Variants in C10orf90 observed in about 807,000 individuals in gnomAD.
C10orf90 encodes the protein (E2-independent) E3 ubiquitin-conjugating enzyme FATS.
In C10orf90, 56 loss-of-function variants were observed where a neutral mutation model predicts 62.5. That is an observed-to-expected ratio of 0.90 (90% CI 0.72 to 1.12). The LOEUF is 1.12. C10orf90 is among the 50% of genes most tolerant of loss of function. The probability of loss-of-function intolerance (pLI) is 0.00; values close to 1 mark genes in which losing one functional copy is unlikely to be tolerated. For missense variants in C10orf90, 970 were observed against 880.4 expected, an observed-to-expected ratio of 1.10 and a Z score of -1.29; for synonymous variants, 386 against 340.4, an observed-to-expected ratio of 1.13 and a Z score of -1.47.
chr10:126,642,618 G>A (rs997541512), intron 2 of C10orf90, among the ~76,000 whole-genome samples: 3 of 150,826 alleles, frequency 2.0e-5, no homozygotes, highest in Non-Finnish European at 4.4e-5. Flanking sequence ...GCTCCTCCTG[G>A]TTTTGCAGCT....
intron 2 of C10orf90, among the ~76,000 whole-genome samples, chr10:126,560,212 T>C (rs139143982): frequency 1.3e-5 from 2 of 152,226 alleles, no homozygotes; most frequent in East Asian, 1.9e-4. Flanking sequence ...GCAACCTCAG[T>C]GATTTGTAAG....
chr10:126,617,216 A>G (rs533040737), intron 2 of C10orf90, among the ~76,000 whole-genome samples: 5 of 152,136 alleles, frequency 3.3e-5, no homozygotes, highest in Non-Finnish European at 7.4e-5. Flanking sequence ...CTCACATCCC[A>G]CCCCAACAGA....
intron 2 of C10orf90, among the ~76,000 whole-genome samples, chr10:126,576,310 G>T (rs1014332041): frequency 1.3e-5 from 2 of 151,772 alleles, no homozygotes; most frequent in African/African-American, 4.8e-5. Context: ...GGCCAAGAAA[G>T]ATATAAATTT....
At chr10:126,608,075 G>A (rs886089899) in intron 2 of C10orf90, among the ~76,000 whole-genome samples, 5 of 152,166 alleles carry the variant, frequency 3.3e-5, no homozygotes, top group African/African-American at 1.2e-4. Flanking sequence ...GGTGGTCAAT[G>A]TTGCACAACA....
intron 2 of C10orf90, among the ~76,000 whole-genome samples, chr10:126,525,816 G>C (rs1226174384): frequency 2.0e-5 from 3 of 152,056 alleles, no homozygotes; most frequent in African/African-American, 7.2e-5. Context: ...CTTCTCCCTG[G>C]TGTGGGTTTG....
At chr10:126,470,226 C>T in intron 4 of C10orf90, 1 of 377,590 alleles carries the variant, frequency 2.6e-6, no homozygotes, top group Non-Finnish European at 5.3e-6. Context: ...AGGCATTCTT[C>T]TGCATGATGC....
chr10:126,455,017 A>G (rs1267311329), intron 7 of C10orf90, among the ~76,000 whole-genome samples: 2 of 151,774 alleles, frequency 1.3e-5, no homozygotes, highest in Admixed American at 1.3e-4. Context: ...CCTCTTCCAC[A>G]TCTCACAATC....
intron 2 of C10orf90, among the ~76,000 whole-genome samples, chr10:126,532,834 C>A (rs1237999571): frequency 4.2e-3 from 13 of 3,068 alleles, no homozygotes; most frequent in Non-Finnish European, 4.6e-3. Context: ...CAGAGCGAGA[C>A]TACGTCTCAA....
chr10:126,637,276 G>A (rs1035323879), intron 2 of C10orf90, among the ~76,000 whole-genome samples: 10 of 152,224 alleles, frequency 6.6e-5, no homozygotes, highest in East Asian at 3.9e-4. Flanking sequence ...ACTCTGTGTC[G>A]TCTCAAAGTC....
intron 7 of C10orf90, among the ~76,000 whole-genome samples, chr10:126,445,537 G>A (rs549762187): frequency 1.1e-4 from 16 of 152,060 alleles, no homozygotes; most frequent in African/African-American, 3.6e-4. Context: ...TGGATGCAGT[G>A]ATCAAGGAAC....
chr10:126,433,481 G>A (rs1374673698), intron 7 of C10orf90, among the ~76,000 whole-genome samples: 1 of 152,020 alleles, frequency 6.6e-6, no homozygotes, highest in African/African-American at 2.4e-5. Context: ...TGGGTGAAAC[G>A]GCAGCCCAGG....
intron 8 of C10orf90, among the ~76,000 whole-genome samples, chr10:126,429,518 T>C (rs926060410): frequency 6.6e-6 from 1 of 152,254 alleles, no homozygotes; most frequent in African/African-American, 2.4e-5. Flanking sequence ...GCTCAGAGTC[T>C]GGGAATCTCT....
intron 2 of C10orf90, among the ~76,000 whole-genome samples, chr10:126,536,565 C>T (rs567939797): frequency 2.6e-4 from 39 of 152,234 alleles, no homozygotes; most frequent in Admixed American, 5.9e-4. Flanking sequence ...ACCCAGACTG[C>T]CTGACTCCAG....
Position 126,504,261 on chromosome 10 carries a change from C to A in C10orf90, c.1230G>T (p.Glu410Asp), listed in dbSNP as rs780615092. ...CCTGCTTCAGGGCTTCGCTTATTGG[C>A]TCTCTGTTCACTAGGCCATCTACTC... ...ADGVDGLVNREPISEALKQEL... is the reference protein window; with the variant it reads ...ADGVDGLVNRDPISEALKQEL... Residue 410 changes from glutamate to aspartate, a missense_variant, in exon 4 of 10, where the codon GAG becomes GAT. By Grantham distance (45) the Glu-to-Asp change is conservative. Transcript: ENST00000488181. This position sits in a 1 kb window ranked among gnomAD's most constrained non-coding sequence, Gnocchi z 4.1. The A allele has an allele frequency of 6.2e-7, 1 of 1,614,060 alleles. No homozygotes were observed. The highest frequency in any genetic ancestry group is 8.5e-7 in the Non-Finnish European group (1 of 1,180,040).
At chr10:126,535,142 C>T (rs1357807641) in intron 2 of C10orf90, among the ~76,000 whole-genome samples, 3 of 152,056 alleles carry the variant, frequency 2.0e-5, no homozygotes, top group Non-Finnish European at 2.9e-5. Flanking sequence ...TACACACACA[C>T]ATACATATAT....
intron 2 of C10orf90, among the ~76,000 whole-genome samples, chr10:126,618,377 T>C (rs150031609): frequency 3.1e-4 from 47 of 152,312 alleles, no homozygotes; most frequent in Admixed American, 2.7e-3. Flanking sequence ...GGACACTGTG[T>C]CCTTACTGAA....
intron 4 of C10orf90, among the ~76,000 whole-genome samples, chr10:126,497,530 A>C (rs568296300): frequency 5.4e-4 from 83 of 152,326 alleles, no homozygotes; most frequent in African/African-American, 1.7e-3. Flanking sequence ...CATAGGCCCC[A>C]AAAATGGATA....
chr10:126,605,948 T>G lies in C10orf90; in HGVS notation c.313+40617A>C, dbSNP rs186115311. On this transcript the variant is annotated intron_variant, in intron 2 of 9. Coordinates refer to ENST00000488181, the MANE Select transcript of C10orf90 (RefSeq NM_001350921.2). ...AGCACTAAAAAAAGAAAAGACTGTC[T>G]GAAATATGATCCTTAAATTTAACAA... Among the ~76,000 whole-genome samples the G allele has an allele frequency of 1.3e-4, 20 of 152,292 alleles. No individual in the cohort carries two copies. In the South Asian group the frequency reaches 1.4e-3, roughly 11 times the overall value.
chr10:126,510,979 A>T (rs1318407435), intron 3 of C10orf90, among the ~76,000 whole-genome samples: 1 of 152,170 alleles, frequency 6.6e-6, no homozygotes, highest in African/African-American at 2.4e-5. Flanking sequence ...ATTTTTCCCC[A>T]TTGCTGCTCT....
Sources: gnomAD v4.1 joint callset for allele counts (sites outside exome capture counted in the v4.1 genomes callset) on GRCh38, gnomAD v4.1.1 for gene constraint, Gnocchi (gnomAD v3.1) non-coding constraint, MANE v1.5 for transcripts, NCBI Gene and HGNC (gene_info 2026-07-23, HGNC 2026-07-21) for gene names.